Variants in SEMA3A observed in about 807,000 individuals in gnomAD.
SEMA3A encodes the protein semaphorin-3A.
SEMA3A carries 29 observed loss-of-function variants against 97.9 expected under a neutral mutation model. The observed-to-expected ratio is 0.30, with a 90% CI of 0.22 to 0.40. The LOEUF is 0.40. Ranked by LOEUF, SEMA3A falls within the 10% of genes least tolerant of loss-of-function variation. SEMA3A has a pLI of 1.00. For missense variants in SEMA3A, 763 were observed against 951.3 expected (o/e 0.80, Z 2.60); for synonymous variants, 321 against 323.7 (o/e 0.99, Z 0.09).
intron 5 of SEMA3A, among the ~76,000 whole-genome samples, chr7:84,059,002 CA>C (rs2115676659): frequency 6.6e-6 from 1 of 152,054 alleles, no homozygotes; most frequent in South Asian, 2.1e-4. Context: ...AGAAACATAC[CA>C]TGAAGTAAAG....
intron 4 of SEMA3A, among the ~76,000 whole-genome samples, chr7:84,084,147 G>C (rs1794253057): frequency 6.6e-6 from 1 of 151,872 alleles, no homozygotes; most frequent in Admixed American, 6.6e-5. Context: ...TTTGATTTTT[G>C]AGTTTAATAT....
At chr7:84,313,327 T>C (rs530749090) in intron 2 of SEMA3A, among the ~76,000 whole-genome samples, 1 of 127,368 alleles carries the variant, frequency 7.9e-6, no homozygotes, top group Non-Finnish European at 1.6e-5. Flanking sequence ...GTGTATATAA[T>C]ACATATATAT....
chr7:84,451,939 G>C lies in SEMA3A; in HGVS notation c.-246+40521C>G, dbSNP rs1349939318. Among the ~76,000 whole-genome samples, 4 of 152,076 alleles carry C rather than the reference G, an allele frequency of 2.6e-5. No homozygotes were observed. In the East Asian group the frequency reaches 7.7e-4, roughly 29 times the overall value. The stretch of plus-strand genomic sequence containing the variant: ...ATCATTATATTTTCCACAAATAAAG[G>C]AACAATTACATGGGTTAAATTTGCA... On this transcript the variant is annotated intron_variant, in intron 1 of 3. Coordinates refer to the SEMA3A transcript ENST00000424555.
intron 2 of SEMA3A, among the ~76,000 whole-genome samples, chr7:84,361,555 T>C (rs623289): frequency 0.29 from 43,528 of 151,742 alleles, 6,708 homozygotes; most frequent in African/African-American, 0.38. Context: ...AGCAATATTC[T>C]ATTGAAAGAA....
intron 2 of SEMA3A, among the ~76,000 whole-genome samples, chr7:84,323,215 T>C (rs1801693500): frequency 6.6e-6 from 1 of 152,216 alleles, no homozygotes; most frequent in South Asian, 2.1e-4. Flanking sequence ...TTAATTAAAC[T>C]AATTGTGCGT....
intron 6 of SEMA3A, among the ~76,000 whole-genome samples, chr7:84,019,352 G>T (rs905048691): frequency 6.6e-6 from 1 of 151,390 alleles, no homozygotes; most frequent in Non-Finnish European, 1.5e-5. Context: ...TTGAAACTGA[G>T]CCAGTGGAGT....
rs74854277 is a variant in SEMA3A, at chr7:84,452,564, T to C, written c.-246+39896A>G. 0.013 allele frequency among the ~76,000 whole-genome samples: 2,053 copies of C among 152,304 alleles called. 93 individuals are homozygous for C. The East Asian group carries it at 0.16, about 12-fold the overall frequency. ...GGTATGCTTCTTTTCCAAACCTACA[T>C]GTTCCTTTTTTATCGGCTCTCAGCA... On this transcript the variant is annotated intron_variant, in intron 1 of 3. Transcript: ENST00000424555.
chr7:84,275,652 A>C (rs1402986174), intron 3 of SEMA3A, among the ~76,000 whole-genome samples: 1 of 151,960 alleles, frequency 6.6e-6, no homozygotes, highest in Admixed American at 6.6e-5. Flanking sequence ...TAGGGATCAC[A>C]TTTTGAGTAC....
chr7:84,256,764 T>A (rs1799727841), intron 3 of SEMA3A, among the ~76,000 whole-genome samples: 1 of 152,076 alleles, frequency 6.6e-6, no homozygotes, highest in Non-Finnish European at 1.5e-5. Context: ...GTGTTATTTT[T>A]AAACTTGTTT....
At chr7:84,104,265 C>T (rs904693647) in intron 4 of SEMA3A, among the ~76,000 whole-genome samples, 3 of 152,058 alleles carry the variant, frequency 2.0e-5, no homozygotes, top group African/African-American at 7.2e-5. Flanking sequence ...TTGGGAATGG[C>T]ATTATTGTAC....
intron 1 of SEMA3A, among the ~76,000 whole-genome samples, chr7:84,404,714 G>T (rs1280298857): frequency 3.9e-5 from 6 of 152,200 alleles, no homozygotes; most frequent in African/African-American, 1.4e-4. Flanking sequence ...AACTCTACAA[G>T]CCAGAAGAGA....
chr7:84,234,676 C>T (rs185486982), intron 3 of SEMA3A, among the ~76,000 whole-genome samples: 13 of 152,100 alleles, frequency 8.5e-5, no homozygotes, highest in African/African-American at 3.1e-4. Flanking sequence ...TTTTTCTATT[C>T]TTATAAGTTT....
At chr7:84,133,886 TAAAAAAA>T (rs60263065) in intron 2 of SEMA3A, among the ~76,000 whole-genome samples, 3 of 78,844 alleles carry the variant, frequency 3.8e-5, no homozygotes, top group Admixed American at 1.5e-4. Context: ...TCGTCTCTAC[TAAAAAAA>T]AAAAAAAAAA....
intron 1 of SEMA3A, among the ~76,000 whole-genome samples, chr7:84,151,890 C>T (rs1273846943): frequency 1.3e-5 from 2 of 152,126 alleles, no homozygotes; most frequent in African/African-American, 4.8e-5. Context: ...AGGACATGAA[C>T]AGACACTTCT....
chr7:84,418,605 T>C (rs1301047920), intron 1 of SEMA3A, among the ~76,000 whole-genome samples: 2 of 151,856 alleles, frequency 1.3e-5, no homozygotes, highest in East Asian at 1.9e-4. Flanking sequence ...GGTTGCTGAG[T>C]CCTCTATTTT....
intron 3 of SEMA3A, among the ~76,000 whole-genome samples, chr7:84,223,228 G>A (rs2116340680): frequency 6.6e-6 from 1 of 151,850 alleles, no homozygotes; most frequent in South Asian, 2.1e-4. Flanking sequence ...GAAGAAATAG[G>A]GTAAGAAGAA....
chr7:84,320,977 G>C (rs1801629768), intron 2 of SEMA3A, among the ~76,000 whole-genome samples: 1 of 152,058 alleles, frequency 6.6e-6, no homozygotes. Flanking sequence ...CATCAATATT[G>C]GTGAATTACC....
In SEMA3A at chr7:84,394,615, T is replaced by C. The variant is rs17159021; in HGVS notation, c.-245-22715A>G. 1.4e-4 allele frequency among the ~76,000 whole-genome samples: 21 copies of C among 152,264 alleles called. No homozygotes were observed. The East Asian group carries it at 4.1e-3, about 29-fold the overall frequency. On this transcript the variant is annotated intron_variant, in intron 1 of 3. Coordinates refer to the SEMA3A transcript ENST00000424555. ...CAGTATGAGAGTCATAGTTGATGGCTGATTGGAACAACAAATAAATGTTTT... is the reference window on the plus strand; with the variant it reads ...CAGTATGAGAGTCATAGTTGATGGCCGATTGGAACAACAAATAAATGTTTT...
chr7:84,019,691 C>T (rs1216623231), intron 6 of SEMA3A, among the ~76,000 whole-genome samples: 2 of 151,850 alleles, frequency 1.3e-5, no homozygotes, highest in East Asian at 1.9e-4. Flanking sequence ...TTGCATCCTT[C>T]ACTACTATTG....
Sources: gnomAD v4.1 joint callset for allele counts (sites outside exome capture counted in the v4.1 genomes callset) on GRCh38, gnomAD v4.1.1 for gene constraint, MANE v1.5 for transcripts, NCBI Gene and HGNC (gene_info 2026-07-23, HGNC 2026-07-21) for gene names.